The following WNT2 variants were observed in gnomAD, a reference collection of about 807,000 sequenced individuals.
WNT2 encodes Wnt family member 2.
Under a neutral mutation model 36.9 loss-of-function variants are expected in WNT2, and 12 were observed. The ratio of observed to expected loss-of-function variants is 0.33; its 90% confidence interval spans 0.21 to 0.53. The LOEUF is 0.53. Among genes scored for constraint, WNT2 ranks in the 20% least tolerant of loss-of-function variants. WNT2 has a pLI of 0.95. For missense variants in WNT2, 379 were observed against 473.1 expected (o/e 0.80, Z 1.84); for synonymous variants, 163 against 174.6 (o/e 0.93, Z 0.52).
intron 4 of WNT2, among the ~76,000 whole-genome samples, chr7:117,282,171 T>C (rs1021800433): frequency 5.3e-5 from 8 of 152,158 alleles, no homozygotes; most frequent in African/African-American, 1.9e-4. Flanking sequence ...CCTTGGGGAA[T>C]AGAGAAAAAG....
intron 4 of WNT2, among the ~76,000 whole-genome samples, chr7:117,285,457 G>A (rs1010959417): frequency 7.2e-5 from 11 of 152,160 alleles, no homozygotes; most frequent in Non-Finnish European, 1.3e-4. Flanking sequence ...ATCTCATCAA[G>A]AATATAATTA....
intron 3 of WNT2, among the ~76,000 whole-genome samples, chr7:117,304,833 T>A (rs1794986325): frequency 6.6e-6 from 1 of 152,204 alleles, no homozygotes. Context: ...TTTCAATACT[T>A]TCTTCCCGAT....
chr7:117,285,502 C>A (rs898436528), intron 4 of WNT2, among the ~76,000 whole-genome samples: 2 of 152,200 alleles, frequency 1.3e-5, no homozygotes, highest in Non-Finnish European at 2.9e-5. Flanking sequence ...CTTCATACTT[C>A]ATTTGAAGAT....
chr7:117,294,957 G>A (rs535006454), intron 4 of WNT2, among the ~76,000 whole-genome samples: 1 of 152,324 alleles, frequency 6.6e-6, no homozygotes, highest in South Asian at 2.1e-4. Flanking sequence ...CAGTCGTGGT[G>A]ACACATGCCT....
At position 117,278,280 on chromosome 7, in the gene WNT2, G is replaced by A. The variant is rs771192645; in HGVS notation, c.958C>T (p.Arg320Trp). 3.3e-5 allele frequency: 53 copies of A among 1,614,104 alleles called. No homozygotes were observed. Among genetic ancestry groups the A allele is most frequent in the Admixed American group, 5.0e-5 (3 of 60,006 alleles). The part of the protein sequence containing the change: ...GRGYDTSHVT[R>W]MTKCGCKFHW... ...AACTTACACCCACACTTGGTCATCC[G>A]GGTGACATGGGAGGTGTCGTAGCCT... Residue 320 changes from arginine to tryptophan, a missense_variant, in exon 5 of 5, where the codon CGG becomes TGG. By Grantham distance (101) the Arg-to-Trp change is moderately radical. Transcript: ENST00000265441.
At chr7:117,303,706 A>T (rs1489320100) in intron 3 of WNT2, among the ~76,000 whole-genome samples, 2 of 152,218 alleles carry the variant, frequency 1.3e-5, no homozygotes, top group African/African-American at 4.8e-5. Flanking sequence ...AACAATAAAC[A>T]TCTACATAAT....
At chr7:117,283,406 A>G (rs2116328597) in intron 4 of WNT2, among the ~76,000 whole-genome samples, 1 of 152,360 alleles carries the variant, frequency 6.6e-6, no homozygotes, top group East Asian at 1.9e-4. Flanking sequence ...ATGCATTAGA[A>G]TTCTTTATCT....
At chr7:117,319,531 G>T (rs886260852) in intron 2 of WNT2, among the ~76,000 whole-genome samples, 23 of 145,634 alleles carry the variant, frequency 1.6e-4, no homozygotes, top group Non-Finnish European at 3.0e-4. Context: ...TTGGGGGGGG[G>T]GGTAGGCAAA....
At chr7:117,294,186 A>T (rs939983762) in intron 4 of WNT2, among the ~76,000 whole-genome samples, 8 of 152,222 alleles carry the variant, frequency 5.3e-5, no homozygotes, top group African/African-American at 1.9e-4. Context: ...GGCATGAGCC[A>T]CTGTGCCTGG....
chr7:117,287,046 T>C (rs754455862), intron 4 of WNT2, among the ~76,000 whole-genome samples: 2 of 152,186 alleles, frequency 1.3e-5, no homozygotes, highest in Admixed American at 6.5e-5. Context: ...TGTAGACTGT[T>C]TCCTCATAAG....
chr7:117,297,823 T>G lies in WNT2; in HGVS notation c.642A>C (p.Ser214=). The G allele has an allele frequency of 6.2e-7, 1 of 1,614,164 alleles. No individual in the cohort carries two copies. The highest frequency in any genetic ancestry group is 8.5e-7 in the Non-Finnish European group (1 of 1,180,002). ...CCAGCCAGCATGTCCTGAGAGTACA[T>G]GAGCCGCTCACCCCGTGGCACTTGC... ...QECKCHGVSG[S]CTLRTCWLAM... The change falls in exon 4 of 5, where the codon TCA becomes TCC. Residue 214 remains serine, a synonymous_variant. Coordinates refer to ENST00000265441, the MANE Select transcript of WNT2 (RefSeq NM_003391.3).
In WNT2 at chr7:117,315,070, C is replaced by G; in HGVS notation, c.588+1G>C. 1 of 1,613,712 alleles carries G rather than the reference C, an allele frequency of 6.2e-7. No individual in the cohort carries two copies. The highest frequency in any genetic ancestry group is 8.5e-7 in the Non-Finnish European group (1 of 1,179,748). On this transcript the variant is annotated splice_donor_variant, in intron 3 of 4. Transcript: ENST00000265441. LOFTEE classifies it high-confidence loss of function. The stretch of plus-strand genomic sequence containing the variant: ...AAATGAGCACCGTTGCATTTCCATA[C>G]CTTCCTGCCAGCTCTGTTGTTGTGA...
At chr7:117,296,907 C>G (rs1794800966) in intron 4 of WNT2, among the ~76,000 whole-genome samples, 6 of 152,154 alleles carry the variant, frequency 3.9e-5, no homozygotes, top group Admixed American at 3.9e-4. Context: ...TTGGCAATTT[C>G]TAAGCATATT....
intron 2 of WNT2, among the ~76,000 whole-genome samples, chr7:117,316,162 G>A (rs186945649): frequency 3.9e-5 from 6 of 152,312 alleles, no homozygotes; most frequent in African/African-American, 7.2e-5. Context: ...ACTTGGGCAA[G>A]AACCCTTTGG....
chr7:117,291,112 G>A (rs1287969212), intron 4 of WNT2, among the ~76,000 whole-genome samples: 3 of 152,182 alleles, frequency 2.0e-5, no homozygotes, highest in Non-Finnish European at 4.4e-5. Context: ...ACCATGATTG[G>A]GATTGTGTAC....
chr7:117,316,397 T>C (rs1795218709), intron 2 of WNT2, among the ~76,000 whole-genome samples: 1 of 152,226 alleles, frequency 6.6e-6, no homozygotes, highest in Admixed American at 6.5e-5. Context: ...TGCCCTTTTA[T>C]TAATGGTTGC....
chr7:117,316,656 A>G (rs1313667348), intron 2 of WNT2, among the ~76,000 whole-genome samples: 2 of 152,156 alleles, frequency 1.3e-5, no homozygotes, highest in Non-Finnish European at 2.9e-5. Context: ...AAAATCAGGA[A>G]AACATATCTA....
At chr7:117,309,855 A>T (rs1357659935) in intron 3 of WNT2, among the ~76,000 whole-genome samples, 1 of 152,184 alleles carries the variant, frequency 6.6e-6, no homozygotes, top group Non-Finnish European at 1.5e-5. Flanking sequence ...ATATTAATAA[A>T]CACCCAGAAG....
intron 4 of WNT2, among the ~76,000 whole-genome samples, chr7:117,289,797 G>A (rs190656873): frequency 6.6e-6 from 1 of 152,180 alleles, no homozygotes; most frequent in Non-Finnish European, 1.5e-5. Flanking sequence ...TATACACACT[G>A]TGGCACATGC....
Sources: allele counts gnomAD v4.1 joint callset (sites outside exome capture counted in the v4.1 genomes callset), GRCh38; gene constraint gnomAD v4.1.1; transcripts MANE v1.5; gene names NCBI Gene and HGNC (gene_info 2026-07-23, HGNC 2026-07-21).